Variants in ZNF318 observed in about 807,000 individuals in gnomAD.
The protein encoded by ZNF318 is zinc finger protein 318, also known as endocrine regulator.
Under a neutral mutation model 124.2 loss-of-function variants are expected in ZNF318, and 51 were observed. That is an observed-to-expected ratio of 0.41 (90% CI 0.33 to 0.52). ZNF318 has a LOEUF of 0.52. Ranked by LOEUF, ZNF318 falls within the 20% of genes least tolerant of loss-of-function variation. The pLI, the probability that ZNF318 is intolerant of heterozygous loss-of-function variation, is 0.23. For synonymous variants in ZNF318, 1,090 were observed against 1,040.7 expected (o/e 1.05, Z -0.91); for missense variants, 2,815 against 2,811.2 (o/e 1.00, Z -0.03).
rs775394225 is a variant in ZNF318 at position 43,342,769 on chromosome 6, A to G, written c.3183T>C (p.Tyr1061=). The change falls in exon 7 of 10, where the codon TAT becomes TAC. Residue 1061 remains tyrosine (Y), a synonymous_variant. Transcript: ENST00000361428. ...CTTTGCACCAGTGATTGCCAGCATC[A>G]TAATACTCATAAGCAGCAGTGGGCT... is the stretch of plus-strand genomic sequence containing the variant. The part of the protein sequence containing the change: ...LDQPTAAYEY[Y]DAGNHWCKDC... 1.7e-5 allele frequency: 27 copies of G among 1,614,122 alleles called. No individual in the cohort carries two copies. The South Asian group carries it at 1.8e-4, about 11-fold the overall frequency.
At chr6:43,354,489 T>C (rs769286709) in intron 4 of ZNF318, among the ~76,000 whole-genome samples, 175 bp downstream of exon 4, 12 of 152,188 alleles carry the variant, frequency 7.9e-5, no homozygotes, top group Non-Finnish European at 1.6e-4. Context: ...GTCCTAATGA[T>C]AAAACATGTG....
Position 43,355,446 on chromosome 6 carries a change from C to G in ZNF318, c.1888G>C (p.Ala630Pro), listed in dbSNP as rs1779592966. The change falls in exon 4 of 10, where the codon GCT becomes CCT. Residue 630 changes from alanine (A) to proline (P), a missense_variant. Ala to Pro is a conservative substitution (Grantham distance 27). Coordinates refer to ENST00000361428, the MANE Select transcript of ZNF318 (RefSeq NM_014345.3). ...CGGTCAACTGAGGAACGGCGGTCAGCTGAGGAGCGTAATGATGGCTTCTTG... is the reference window on the plus strand; with the variant it reads ...CGGTCAACTGAGGAACGGCGGTCAGGTGAGGAGCGTAATGATGGCTTCTTG... ...HGKKPSLRSS[A>P]DRRSSVDRYF... 6.2e-7 allele frequency: 1 copy of G among 1,614,094 alleles called. No individual in the cohort carries two copies. Among genetic ancestry groups the G allele is most frequent in the Non-Finnish European group, 8.5e-7 (1 of 1,180,040 alleles).
Position 43,340,847 on chromosome 6 carries a change from C to A in ZNF318, c.3438G>T (p.Gly1146=). ...FYCQLCEEFL[G]DPISGEQHVK... is the part of the protein sequence containing the mutation. ...CATGTTGCTCCCCAGAAATTGGATCCCCCAAAAATTCCTCACAGAGCTGGC... is the reference window on the plus strand; with the variant it reads ...CATGTTGCTCCCCAGAAATTGGATCACCCAAAAATTCCTCACAGAGCTGGC... The change falls in exon 9 of 10, where the codon GGG becomes GGT. Residue 1146 remains glycine, a synonymous_variant. Coordinates refer to ENST00000361428, the MANE Select transcript of ZNF318 (RefSeq NM_014345.3). 15 of 1,614,096 alleles carry A rather than the reference C, an allele frequency of 9.3e-6. No homozygotes were observed. The highest frequency in any genetic ancestry group is 1.3e-5 in the Non-Finnish European group (15 of 1,180,012).
Position 43,369,030 on chromosome 6 carries a change from C to T in ZNF318, c.336G>A (p.Gly112=), listed in dbSNP as rs1779798717. 7.0e-7 allele frequency: 1 copy of T among 1,426,290 alleles called. No individual in the cohort carries two copies. The highest frequency in any genetic ancestry group is 9.2e-7 in the Non-Finnish European group (1 of 1,087,802). The allele number at this position is 1,426,290 out of a possible 1,614,324, so 88.4% of individuals were successfully genotyped here. ...GPAGFRGSSR[G]ESRADYARDG... is the part of the protein sequence containing the mutation. The stretch of plus-strand genomic sequence containing the variant: ...CCCGGGCATAGTCGGCGCGGGACTC[C>T]CCCCGGCTGCTGCCTCTGAAGCCGG... The change falls in exon 1 of 10, where the codon GGG becomes GGA. Residue 112 remains glycine (G), a synonymous_variant. Transcript: ENST00000361428.
rs758316852 is a variant in ZNF318 at position 43,357,371 on chromosome 6, A to G, written c.943T>C (p.Phe315Leu). 4.3e-6 allele frequency: 7 copies of G among 1,613,758 alleles called. No homozygotes were observed. In the East Asian group the frequency reaches 1.6e-4, roughly 36 times the overall value. The change falls in exon 3 of 10, where the codon TTT becomes CTT. Residue 315 changes from phenylalanine to leucine, a missense_variant. By Grantham distance (22) the Phe-to-Leu change is conservative. This residue lies in a region of ZNF318 where 1,377 missense variants were observed against 1,353.5 expected (regional missense o/e 1.02). Transcript: ENST00000361428. ...SPSPRFLDPE[F>L]RELDLARRKR... ...CGTCTGGCAAGATCCAGTTCTCGAA[A>G]CTCAGGGTCGAGAAACCTAGGACTT...
At chr6:43,349,070 C>T (rs540639753) in intron 5 of ZNF318, among the ~76,000 whole-genome samples, 1 of 152,152 alleles carries the variant, frequency 6.6e-6, no homozygotes, top group East Asian at 1.9e-4. Context: ...AAGTGAGACT[C>T]TCCTTCCACA....
At chr6:43,344,012 G>C (rs1385361731) in intron 6 of ZNF318, among the ~76,000 whole-genome samples, 1 of 152,002 alleles carries the variant, frequency 6.6e-6, no homozygotes, top group African/African-American at 2.4e-5. Context: ...GTAAGGCACA[G>C]GAAAAAAAGA....
At chr6:43,354,501 GA>G (rs1779575821) in intron 4 of ZNF318, among the ~76,000 whole-genome samples, 162 bp downstream of exon 4, 2 of 152,190 alleles carry the variant, frequency 1.3e-5, no homozygotes. Flanking sequence ...AAACATGTGT[GA>G]AAAACAGAGG....
intron 5 of ZNF318, 103 bp downstream of exon 5, chr6:43,352,274 A>AT: frequency 1.1e-6 from 1 of 940,812 alleles, no homozygotes; most frequent in Non-Finnish European, 1.6e-6. Context: ...TCAAAAAAAA[A>AT]TTTTTAATGA....
chr6:43,343,428 T>C (rs1340755714), intron 6 of ZNF318, among the ~76,000 whole-genome samples: 1 of 152,212 alleles, frequency 6.6e-6, no homozygotes, highest in African/African-American at 2.4e-5. Context: ...TGTACATAGA[T>C]AAAGTAGACT....
intron 6 of ZNF318, among the ~76,000 whole-genome samples, chr6:43,346,667 T>C (rs1002011512): frequency 2.6e-5 from 4 of 152,176 alleles, no homozygotes; most frequent in Non-Finnish European, 4.4e-5. Flanking sequence ...GGTGGAATTC[T>C]GGAAATTCTT....
intron 3 of ZNF318, 45 bp from the exon 4 acceptor site, chr6:43,356,190 G>A: frequency 6.4e-7 from 1 of 1,551,610 alleles, no homozygotes; most frequent in Non-Finnish European, 8.7e-7. Context: ...CAGAATCTCA[G>A]AACATTAGTA....
intron 7 of ZNF318, 146 bp downstream of exon 7, chr6:43,342,530 C>A: frequency 1.2e-6 from 1 of 816,858 alleles, no homozygotes; most frequent in Middle Eastern, 3.7e-4. Flanking sequence ...ATGGTGTCTC[C>A]TTTGTTGGTG....
Position 43,355,541 on chromosome 6 carries a change from G to A in ZNF318, c.1793C>T (p.Thr598Ile). ...EYAKIHDLLK[T>I]IGLDIGVAEI... is the part of the protein sequence containing the mutation. ...TGCTACTCCAATATCCAGCCCTATTGTCTTGAGCAAGTCATGGATCTTCGC... is the reference window on the plus strand; with the variant it reads ...TGCTACTCCAATATCCAGCCCTATTATCTTGAGCAAGTCATGGATCTTCGC... Residue 598 changes from threonine to isoleucine, a missense_variant, in exon 4 of 10, where the codon ACA (threonine) becomes ATA (isoleucine). By Grantham distance (89) the Thr-to-Ile change is moderately conservative (BLOSUM62 -1). Coordinates refer to ENST00000361428, the MANE Select transcript of ZNF318 (RefSeq NM_014345.3). 1 of 1,614,204 alleles carries A rather than the reference G, an allele frequency of 6.2e-7. No individual in the cohort carries two copies. Among genetic ancestry groups the A allele is most frequent in the Non-Finnish European group, 8.5e-7 (1 of 1,180,042 alleles).
intron 7 of ZNF318, 145 bp from the exon 8 acceptor site, chr6:43,342,356 G>A: frequency 4.7e-6 from 3 of 631,754 alleles, no homozygotes; most frequent in South Asian, 2.1e-5. Context: ...TGTTTTAATG[G>A]AAATCACCTG....
In ZNF318 at chr6:43,337,108, G is replaced by T. The variant is rs1334983111; in HGVS notation, c.*50C>A. The T allele has an allele frequency of 2.0e-6, 3 of 1,479,772 alleles. No individual in the cohort carries two copies. The highest frequency in any genetic ancestry group is 4.6e-5 in the East Asian group (2 of 43,548). The allele number at this position is 1,479,772 out of a possible 1,614,324, so 91.7% of individuals were successfully genotyped here. A position where few individuals can be genotyped will look rare whatever the true frequency, so the allele number is the denominator to read the frequency against. ...CTAGTCTTGGATCATCTGGGCATCT[G>T]ATTTCTAGAAGCCAATGATTCACTC... On this transcript the variant is annotated 3_prime_UTR_variant, in exon 10 of 10. Coordinates refer to ENST00000361428, the MANE Select transcript of ZNF318 (RefSeq NM_014345.3).
intron 4 of ZNF318, among the ~76,000 whole-genome samples, chr6:43,354,086 C>T (rs1438671406): frequency 2.6e-5 from 4 of 151,874 alleles, no homozygotes; most frequent in African/African-American, 4.8e-5. Context: ...ATAAAATATA[C>T]GTATACATAC....
In ZNF318 at chr6:43,357,656, G is replaced by A. The variant is rs1407854828; in HGVS notation, c.658C>T (p.Leu220Phe). ...EGPLSPFLGQ[L>F]DEDYRTKETF... is the part of the protein sequence containing the mutation. ...TCTTTTGTTCGGTAGTCCTCATCAA[G>A]TTGTCCCAAGAAGGGACTGAGAGGC... is the stretch of plus-strand genomic sequence containing the variant. Residue 220 changes from leucine to phenylalanine, a missense_variant, in exon 3 of 10, where the codon CTT becomes TTT. By Grantham distance (22) the Leu-to-Phe change is conservative. This residue lies in a region of ZNF318 where 1,377 missense variants were observed against 1,353.5 expected (regional missense o/e 1.02). Transcript: ENST00000361428. 1.2e-6 allele frequency: 2 copies of A among 1,613,976 alleles called. No homozygotes were observed. Among genetic ancestry groups the A allele is most frequent in the African/African-American group, 1.3e-5 (1 of 75,010 alleles).
At position 43,364,229 on chromosome 6, in the gene ZNF318, C is replaced by G. The variant is rs777723508; in HGVS notation, c.548+1063G>C. 4.6e-6 allele frequency: 3 copies of G among 656,294 alleles called. 1 individual carries two copies. Among genetic ancestry groups the G allele is most frequent in the Non-Finnish European group, 8.0e-6 (3 of 373,598 alleles). The allele number at this position is 656,294 out of a possible 1,614,324, so 40.7% of individuals were successfully genotyped here. The stretch of plus-strand genomic sequence containing the variant: ...TCCCTATCAGGAATTCACTGACCAC[C>G]TCATCAAGACACACACCAGAGTCTC... On this transcript the variant is annotated intron_variant, in intron 2 of 9. Coordinates refer to ENST00000361428, the MANE Select transcript of ZNF318 (RefSeq NM_014345.3).
Sources: gnomAD v4.1 joint callset for allele counts (sites outside exome capture counted in the v4.1 genomes callset) on GRCh38, gnomAD v4.1.1 for gene constraint, gnomAD v4.1.1 regional missense constraint, MANE v1.5 for transcripts, NCBI Gene and HGNC (gene_info 2026-07-23, HGNC 2026-07-21) for gene names.